ITGB3BP: variants seen among roughly 807,000 people sequenced by gnomAD.
ITGB3BP encodes the protein centromere protein R.
ITGB3BP carries 27 observed loss-of-function variants against 29.1 expected under a neutral mutation model. That is an observed-to-expected ratio of 0.93 (90% CI 0.68 to 1.28). ITGB3BP has a LOEUF of 1.28. Ranked by LOEUF, ITGB3BP falls within the 50% of genes most tolerant of loss-of-function variation. ITGB3BP has a pLI of 0.00. For synonymous variants in ITGB3BP, 61 were observed against 61.4 expected, an observed-to-expected ratio of 0.99 and a Z score of 0.03; for missense variants, 192 against 200.2, an observed-to-expected ratio of 0.96 and a Z score of 0.25.
At chr1:63,495,850 A>C (rs980207412) in intron 2 of ITGB3BP, among the ~76,000 whole-genome samples, 3 of 152,148 alleles carry the variant, frequency 2.0e-5, no homozygotes, top group Non-Finnish European at 4.4e-5. Context: ...CCAGAATGAA[A>C]AGATTCAGCA....
At chr1:63,487,111 T>C (rs1303751368) in intron 3 of ITGB3BP, among the ~76,000 whole-genome samples, 7 of 152,088 alleles carry the variant, frequency 4.6e-5, no homozygotes, top group Non-Finnish European at 1.0e-4. Context: ...AATTTGTGTA[T>C]GTTTTATGGT....
At chr1:63,470,830 A>C (rs1645183514) in intron 4 of ITGB3BP, among the ~76,000 whole-genome samples, 1 of 151,968 alleles carries the variant, frequency 6.6e-6, no homozygotes, top group Admixed American at 6.6e-5. Context: ...ATGTTGCCAA[A>C]CAGTTTCCCA....
chr1:63,452,652 G>A (rs1400177005), intron 7 of ITGB3BP, among the ~76,000 whole-genome samples: 2 of 119,180 alleles, frequency 1.7e-5, no homozygotes, highest in Non-Finnish European at 3.7e-5. Flanking sequence ...TTTTTTAAAA[G>A]ATCCCAAGCC....
chr1:63,502,294 C>A (rs749943129), intron 2 of ITGB3BP, among the ~76,000 whole-genome samples: 7 of 152,092 alleles, frequency 4.6e-5, no homozygotes, highest in Non-Finnish European at 1.0e-4. Flanking sequence ...TGAGGTTTAG[C>A]AAATTGTGGT....
chr1:63,468,217 A>G (rs1645133158), intron 4 of ITGB3BP, among the ~76,000 whole-genome samples: 2 of 152,214 alleles, frequency 1.3e-5, no homozygotes, highest in South Asian at 4.1e-4. Flanking sequence ...TCTGTGAAAT[A>G]ACTGACTGAC....
At chr1:63,467,790 T>C (rs1184059374) in intron 4 of ITGB3BP, among the ~76,000 whole-genome samples, 1 of 152,204 alleles carries the variant, frequency 6.6e-6, no homozygotes, top group African/African-American at 2.4e-5. Context: ...ATCTATAATG[T>C]ATAGGACAGC....
rs372425882 is a variant in ITGB3BP at position 63,447,842 on chromosome 1, G to T, written c.485-986C>A. On this transcript the variant is annotated intron_variant, in intron 7 of 8. Coordinates refer to ENST00000271002, the MANE Select transcript of ITGB3BP (RefSeq NM_014288.5). ...TCCCATTACTGGGTATATACCCAAAGGACTATAAATCATGCTGCTATAAAG... is the reference window on the plus strand; with the variant it reads ...TCCCATTACTGGGTATATACCCAAATGACTATAAATCATGCTGCTATAAAG... The T allele has an allele frequency of 7.3e-3, 2,265 of 311,156 alleles. 39 individuals are homozygous for T. The highest frequency in any genetic ancestry group is 0.046 in the African/African-American group (2,109 of 45,670). The allele number at this position is 311,156 out of a possible 1,614,324, so 19.3% of individuals were successfully genotyped here. A position where few individuals can be genotyped will look rare whatever the true frequency, so the allele number is the denominator to read the frequency against.
At chr1:63,467,508 A>AGCTT (rs1278135813) in intron 4 of ITGB3BP, among the ~76,000 whole-genome samples, 14 of 133,694 alleles carry the variant, frequency 1.0e-4, no homozygotes, top group African/African-American at 3.8e-4. Flanking sequence ...CACCACATCC[A>AGCTT]GCTTGCTTGC....
At chr1:63,528,846 G>C (rs1646643821) in intron 2 of ITGB3BP, among the ~76,000 whole-genome samples, 2 of 152,060 alleles carry the variant, frequency 1.3e-5, no homozygotes, top group South Asian at 4.1e-4. Flanking sequence ...CCATGATTCA[G>C]TTAACCACTC....
At chr1:63,472,986 T>C (rs1645235758) in intron 4 of ITGB3BP, among the ~76,000 whole-genome samples, 1 of 148,864 alleles carries the variant, frequency 6.7e-6, no homozygotes, top group South Asian at 2.1e-4. Context: ...GTCTGGAAAG[T>C]GAGGAGCGTC....
intron 2 of ITGB3BP, among the ~76,000 whole-genome samples, chr1:63,494,143 C>T (rs1184562126): frequency 6.6e-6 from 1 of 151,986 alleles, no homozygotes; most frequent in Non-Finnish European, 1.5e-5. Flanking sequence ...AACCAACAAC[C>T]TTCTTTTTTT....
At chr1:63,481,346 T>C (rs1645433658) in intron 3 of ITGB3BP, among the ~76,000 whole-genome samples, 1 of 152,188 alleles carries the variant, frequency 6.6e-6, no homozygotes, top group South Asian at 2.1e-4. Context: ...CTAAGAGTAA[T>C]ACTTAGATCA....
chr1:63,466,038 C>A (rs1645094791), intron 4 of ITGB3BP, among the ~76,000 whole-genome samples: 1 of 152,038 alleles, frequency 6.6e-6, no homozygotes, highest in African/African-American at 2.4e-5. Flanking sequence ...TTCTAAATAG[C>A]CAACTACTTT....
At chr1:63,526,477 C>G (rs961487440), upstream of ITGB3BP, among the ~76,000 whole-genome samples, 3 of 152,088 alleles carry the variant, frequency 2.0e-5, no homozygotes, top group African/African-American at 7.2e-5. Flanking sequence ...TTTTCTTAAA[C>G]CAAAACCCTG....
intron 3 of ITGB3BP, among the ~76,000 whole-genome samples, chr1:63,486,437 A>G (rs1407728780): frequency 3.3e-5 from 5 of 152,050 alleles, no homozygotes; most frequent in South Asian, 2.1e-4. Flanking sequence ...CAGATGCCAC[A>G]AAGTCAATTA....
intron 7 of ITGB3BP, among the ~76,000 whole-genome samples, chr1:63,453,383 T>C (rs1019710645): frequency 6.6e-6 from 1 of 152,186 alleles, no homozygotes; most frequent in Non-Finnish European, 1.5e-5. Flanking sequence ...TTACAGTTCA[T>C]GATTACTTTG....
chr1:63,504,097 C>T (rs539267480), intron 2 of ITGB3BP, among the ~76,000 whole-genome samples: 20 of 151,872 alleles, frequency 1.3e-4, no homozygotes, highest in Admixed American at 1.2e-3. Context: ...TATAAATTAC[C>T]TTGGGCAGTA....
intron 3 of ITGB3BP, among the ~76,000 whole-genome samples, chr1:63,484,707 T>A (rs898339098): frequency 6.6e-6 from 1 of 152,102 alleles, no homozygotes; most frequent in African/African-American, 2.4e-5. Context: ...TATATGGGTA[T>A]TATATCTTTT....
intron 1 of ITGB3BP, among the ~76,000 whole-genome samples, chr1:63,516,449 T>A (rs1400646532): frequency 2.0e-5 from 3 of 151,030 alleles, no homozygotes; most frequent in Non-Finnish European, 1.5e-5. Context: ...CAACTGGGTG[T>A]GGCAGTGCTC....
Sources: allele counts gnomAD v4.1 joint callset (sites outside exome capture counted in the v4.1 genomes callset), GRCh38; gene constraint gnomAD v4.1.1; transcripts MANE v1.5; gene names NCBI Gene and HGNC (gene_info 2026-07-23, HGNC 2026-07-21).